Variants in CTNNA3 observed in about 807,000 individuals in gnomAD.
CTNNA3 encodes catenin alpha 3, also known as catenin alpha-3.
In CTNNA3, 76 loss-of-function variants were observed where a neutral mutation model predicts 95.7. The ratio of observed to expected loss-of-function variants is 0.79; its 90% CI spans 0.66 to 0.96. The LOEUF (loss-of-function observed/expected upper bound fraction) is 0.96. Among genes scored for constraint, CTNNA3 ranks in the 40% least tolerant of loss-of-function variants. CTNNA3 has a pLI of 0.00. For synonymous variants in CTNNA3, 431 were observed against 374.4 expected (o/e 1.15, Z -1.74); for missense variants, 1,191 against 1,089.8 (o/e 1.09, Z -1.31).
intron 7 of CTNNA3, among the ~76,000 whole-genome samples, chr10:67,087,729 C>T (rs768902738): frequency 4.0e-5 from 6 of 151,898 alleles, no homozygotes; most frequent in East Asian, 1.9e-4. Flanking sequence ...TTACATAATT[C>T]GATTTTAATA....
chr10:67,655,111 T>C (rs1839984956), intron 1 of CTNNA3, among the ~76,000 whole-genome samples: 1 of 152,220 alleles, frequency 6.6e-6, no homozygotes, highest in Non-Finnish European at 1.5e-5. Context: ...CATGGTTCTT[T>C]CTATGCCCTG....
intron 5 of CTNNA3, among the ~76,000 whole-genome samples, chr10:67,265,018 T>C (rs1464641459): frequency 1.3e-5 from 2 of 152,216 alleles, no homozygotes; most frequent in Admixed American, 6.5e-5. Flanking sequence ...TTTCTTATGC[T>C]ATAAAAACAT....
intron 7 of CTNNA3, among the ~76,000 whole-genome samples, chr10:67,146,892 T>C (rs1025006193): frequency 2.0e-5 from 3 of 152,208 alleles, no homozygotes; most frequent in African/African-American, 4.8e-5. Flanking sequence ...GTTAACATTA[T>C]GTTACCATTG....
At chr10:66,356,124 T>C (rs1171038267) in intron 12 of CTNNA3, among the ~76,000 whole-genome samples, 1 of 99,818 alleles carries the variant, frequency 1.0e-5, no homozygotes, top group Admixed American at 8.8e-5. Flanking sequence ...CTTGTTTTGT[T>C]TTTTTTTTTT....
chr10:66,118,372 T>A (rs1420153638), intron 13 of CTNNA3: 1 of 152,216 alleles, frequency 6.6e-6, no homozygotes, highest in Non-Finnish European at 1.5e-5. Context: ...AAGCTATCTC[T>A]TGATGAACAA....
At chr10:65,938,696 A>C (rs2077380136) in intron 17 of CTNNA3, among the ~76,000 whole-genome samples, 1 of 152,154 alleles carries the variant, frequency 6.6e-6, no homozygotes. Flanking sequence ...TTGGCCAAAG[A>C]CAGAAGCCTA....
chr10:66,136,494 T>G (rs1354087203), intron 13 of CTNNA3, among the ~76,000 whole-genome samples: 2 of 129,132 alleles, frequency 1.5e-5, no homozygotes, highest in Non-Finnish European at 3.4e-5. Context: ...AGTAATTTCT[T>G]CACTTTTTTT....
chr10:67,026,565 A>G (rs556866790), intron 7 of CTNNA3, among the ~76,000 whole-genome samples: 15 of 152,298 alleles, frequency 9.8e-5, no homozygotes, highest in African/African-American at 3.6e-4. Context: ...GCCTTCAAAT[A>G]GCTCCTTATA....
At chr10:67,221,310 G>A (rs1346146162) in intron 5 of CTNNA3, among the ~76,000 whole-genome samples, 2 of 151,902 alleles carry the variant, frequency 1.3e-5, no homozygotes, top group African/African-American at 4.8e-5. Context: ...AAAAGCTTAA[G>A]TTAAAAAAAA....
intron 5 of CTNNA3, among the ~76,000 whole-genome samples, chr10:67,317,362 G>A (rs1341894622): frequency 1.0e-5 from 1 of 96,576 alleles, no homozygotes; most frequent in Non-Finnish European, 2.1e-5. Context: ...TCCCTCCCCC[G>A]TCCCCCCACC....
intron 5 of CTNNA3, among the ~76,000 whole-genome samples, chr10:67,275,017 A>G (rs899344151): frequency 6.6e-6 from 1 of 151,950 alleles, no homozygotes; most frequent in African/African-American, 2.4e-5. Context: ...GCAAATCTCA[A>G]TTTGAAGAAT....
At chr10:66,908,758 C>A (rs920762684) in intron 7 of CTNNA3, among the ~76,000 whole-genome samples, 1 of 152,058 alleles carries the variant, frequency 6.6e-6, no homozygotes, top group Admixed American at 6.5e-5. Flanking sequence ...TAAGTTGAGT[C>A]TGGATAGTGC....
chr10:67,372,212 G>A (rs1843495211), intron 5 of CTNNA3, among the ~76,000 whole-genome samples: 1 of 152,084 alleles, frequency 6.6e-6, no homozygotes, highest in Non-Finnish European at 1.5e-5. Context: ...CTTTTGCTGT[G>A]CAGAAGCTCT....
At chr10:66,648,169 T>G (rs1564593017) in intron 9 of CTNNA3, among the ~76,000 whole-genome samples, 1 of 152,244 alleles carries the variant, frequency 6.6e-6, no homozygotes, top group Non-Finnish European at 1.5e-5. Context: ...CCCTGACAGC[T>G]CATTAGCATC....
rs577037831 is a variant in CTNNA3 at position 66,693,502 on chromosome 10, A to G, written c.1282-71718T>C. ...TACAACGAGACTTAGACTCCCACAC[A>G]ATAATAATGAGAGACTTTAACACCC... On this transcript the variant is annotated intron_variant, in intron 9 of 17. Transcript: ENST00000433211. Among the ~76,000 whole-genome samples the G allele has an allele frequency of 1.6e-3, 243 of 151,666 alleles. 1 individual carries two copies. The highest frequency in any genetic ancestry group is 5.6e-3 in the African/African-American group (230 of 41,198).
At chr10:67,746,391 G>A (rs1841375094) in intron 1 of CTNNA3, among the ~76,000 whole-genome samples, 1 of 152,110 alleles carries the variant, frequency 6.6e-6, no homozygotes, top group Non-Finnish European at 1.5e-5. Context: ...GAAACTGAGG[G>A]AGTGGGGCGG....
chr10:67,324,669 G>A (rs1204228112), intron 5 of CTNNA3, among the ~76,000 whole-genome samples: 1 of 150,004 alleles, frequency 6.7e-6, no homozygotes, highest in Non-Finnish European at 1.5e-5. Context: ...TTGCATCAAT[G>A]TTCTTCAAGG....
chr10:67,715,542 C>T (rs982521284), intron 1 of CTNNA3, among the ~76,000 whole-genome samples: 1 of 152,072 alleles, frequency 6.6e-6, no homozygotes, highest in Non-Finnish European at 1.5e-5. Context: ...TGAGAACCGT[C>T]TATCTAGTAG....
intron 4 of CTNNA3, among the ~76,000 whole-genome samples, chr10:67,524,743 A>G (rs1252609069): frequency 6.6e-6 from 1 of 152,182 alleles, no homozygotes; most frequent in Non-Finnish European, 1.5e-5. Flanking sequence ...TTAGCTCCCT[A>G]TTAAACACAC....
Sources: allele counts gnomAD v4.1 joint callset (sites outside exome capture counted in the v4.1 genomes callset), GRCh38; gene constraint gnomAD v4.1.1; transcripts MANE v1.5; gene names NCBI Gene and HGNC (gene_info 2026-07-23, HGNC 2026-07-21).